SNX29: variants seen among roughly 807,000 people sequenced by gnomAD.
SNX29 encodes sorting nexin 29.
In SNX29, 78 loss-of-function variants were observed where a neutral mutation model predicts 102.1. The ratio of observed to expected loss-of-function variants is 0.76; its 90% CI spans 0.64 to 0.92. The LOEUF is 0.92. Ranked by LOEUF, SNX29 falls within the 40% of genes least tolerant of loss-of-function variation. The pLI is 0.00. For missense variants in SNX29, 1,280 were observed against 1,061.7 expected (o/e 1.21, Z -2.86); for synonymous variants, 580 against 414.5 (o/e 1.40, Z -4.85).
chr16:12,469,203 C>G (rs912166519), intron 18 of SNX29, among the ~76,000 whole-genome samples: 1 of 152,212 alleles, frequency 6.6e-6, no homozygotes, highest in East Asian at 1.9e-4. Context: ...TTTACATAAC[C>G]CAGTGAACTG....
chr16:12,352,091 A>G (rs1049355573), intron 15 of SNX29, among the ~76,000 whole-genome samples: 10 of 152,224 alleles, frequency 6.6e-5, no homozygotes, highest in Admixed American at 6.5e-4. Context: ...GTGATTTAAA[A>G]AATTTGATAG....
intron 13 of SNX29, chr16:12,135,513 A>G (rs2054626823): frequency 7.6e-7 from 1 of 1,317,900 alleles, no homozygotes; most frequent in African/African-American, 1.5e-5. Context: ...TCTTGAGAGG[A>G]TGGTGCCAGC....
chr16:12,161,873 TAC>T (rs912224217), intron 13 of SNX29, among the ~76,000 whole-genome samples: 2 of 152,188 alleles, frequency 1.3e-5, no homozygotes, highest in African/African-American at 4.8e-5. Flanking sequence ...CCGCGTTTCT[TAC>T]ACAGTCTGCA....
intron 13 of SNX29, among the ~76,000 whole-genome samples, chr16:12,147,484 C>G (rs111674479): frequency 6.6e-6 from 1 of 152,022 alleles, no homozygotes; most frequent in South Asian, 2.1e-4. Context: ...GTAGAGGTGT[C>G]TAGAGAGAAA....
intron 19 of SNX29, among the ~76,000 whole-genome samples, chr16:12,491,824 C>A (rs1405382635): frequency 6.6e-6 from 1 of 152,140 alleles, no homozygotes; most frequent in Non-Finnish European, 1.5e-5. Flanking sequence ...ATGGTGGTTT[C>A]CAGCTTCATC....
intron 20 of SNX29, among the ~76,000 whole-genome samples, chr16:12,550,859 A>ATAGACTTTCTGGGAGGAAACCTGT (rs2077931706): frequency 6.6e-6 from 1 of 152,224 alleles, no homozygotes; most frequent in Admixed American, 6.5e-5. Flanking sequence ...TATTTTCATG[A>ATAGACTTTCTGGGAGGAAACCTGT]TAGACTTTCT....
chr16:12,193,149 T>G (rs2076686006), intron 13 of SNX29, among the ~76,000 whole-genome samples: 2 of 152,186 alleles, frequency 1.3e-5, no homozygotes, highest in Admixed American at 1.3e-4. Context: ...TATCATAATG[T>G]TTTTGGAGTT....
At chr16:12,099,735 G>A (rs1329396465) in intron 11 of SNX29, among the ~76,000 whole-genome samples, 1 of 152,148 alleles carries the variant, frequency 6.6e-6, no homozygotes, top group Non-Finnish European at 1.5e-5. Context: ...GTGGAGTGTG[G>A]ATCCCTGGGC....
intron 20 of SNX29, among the ~76,000 whole-genome samples, chr16:12,541,491 C>G (rs1012073603): frequency 3.9e-5 from 6 of 152,150 alleles, no homozygotes; most frequent in Admixed American, 6.5e-5. Context: ...AGACCCAGAC[C>G]TCTGTGATCT....
At chr16:12,300,148 A>G (rs1000255786) in intron 15 of SNX29, among the ~76,000 whole-genome samples, 9 of 152,240 alleles carry the variant, frequency 5.9e-5, no homozygotes, top group Admixed American at 3.3e-4. Flanking sequence ...CTGAGGTTAC[A>G]CGTGTGAGCC....
chr16:12,454,031 T>C (rs1340008714), intron 18 of SNX29, among the ~76,000 whole-genome samples: 3 of 152,172 alleles, frequency 2.0e-5, no homozygotes, highest in Non-Finnish European at 4.4e-5. Context: ...AGTAAATTTC[T>C]CAGCTTCCCT....
At chr16:12,311,118 A>G (rs1457038194) in intron 15 of SNX29, among the ~76,000 whole-genome samples, 1 of 152,224 alleles carries the variant, frequency 6.6e-6, no homozygotes, top group Non-Finnish European at 1.5e-5. Context: ...TCAACTCGAT[A>G]GGGCAGAGCT....
chr16:11,999,593 A>G (rs1381960067), intron 2 of SNX29, among the ~76,000 whole-genome samples: 2 of 152,312 alleles, frequency 1.3e-5, no homozygotes, highest in Non-Finnish European at 2.9e-5. Flanking sequence ...CCCATCCGTC[A>G]GTGATGTCCC....
At chr16:12,513,845 C>G (rs773264785) in intron 19 of SNX29, among the ~76,000 whole-genome samples, 1 of 152,216 alleles carries the variant, frequency 6.6e-6, no homozygotes, top group South Asian at 2.1e-4. Context: ...ATGAGGGCCA[C>G]CATGCCCGAC....
intron 19 of SNX29, among the ~76,000 whole-genome samples, chr16:12,490,787 G>A (rs2088506151): frequency 6.6e-6 from 1 of 152,212 alleles, no homozygotes; most frequent in Non-Finnish European, 1.5e-5. Context: ...ATTAGGAAAT[G>A]TTTCAGGTGT....
chr16:12,250,603 G>A (rs1446754403), intron 14 of SNX29, among the ~76,000 whole-genome samples: 1 of 152,202 alleles, frequency 6.6e-6, no homozygotes, highest in East Asian at 1.9e-4. Flanking sequence ...TCCTCGGGTT[G>A]TGTTTTGGGA....
intron 14 of SNX29, among the ~76,000 whole-genome samples, chr16:12,216,058 C>T (rs1044752238): frequency 5.3e-5 from 8 of 152,138 alleles, no homozygotes; most frequent in African/African-American, 1.9e-4. Flanking sequence ...CGGAGCTCAT[C>T]GTGGCTTGCC....
Position 12,391,237 on chromosome 16 carries a change from T to C in SNX29, c.1900-7209T>C, listed in dbSNP as rs529421646. On this transcript the variant is annotated intron_variant, in intron 16 of 20. Transcript: ENST00000566228. ...CTGGGATTACAAGCATGAGCCACCA[T>C]GCCCAGCCTTACAAATTATCATTGT... Among the ~76,000 whole-genome samples, 28 of 152,334 alleles carry C rather than the reference T, an allele frequency of 1.8e-4. No individual in the cohort carries two copies. In the South Asian group the frequency reaches 5.4e-3, roughly 29 times the overall value.
intron 16 of SNX29, among the ~76,000 whole-genome samples, chr16:12,364,073 AC>A (rs1422331254): frequency 6.6e-6 from 1 of 152,050 alleles, no homozygotes; most frequent in Non-Finnish European, 1.5e-5. Flanking sequence ...GCTCGGTGTA[AC>A]CTCAAACTCC....
Sources: allele counts gnomAD v4.1 joint callset (sites outside exome capture counted in the v4.1 genomes callset), GRCh38; gene constraint gnomAD v4.1.1; transcripts MANE v1.5; gene names NCBI Gene and HGNC (gene_info 2026-07-23, HGNC 2026-07-21).